Variants in GALNT17 observed in about 807,000 individuals in gnomAD.
GALNT17 encodes UDP-GalNAc:polypeptide N-acetylgalactosaminyltransferase-like 3.
A neutral mutation model predicts 63.7 loss-of-function variants in GALNT17; 29 were observed. The observed-to-expected ratio is 0.46, with a 90% CI of 0.34 to 0.62. The LOEUF (loss-of-function observed/expected upper bound fraction) is 0.62. Ranked by LOEUF, GALNT17 falls within the 20% of genes least tolerant of loss-of-function variation. The pLI, the probability that GALNT17 is intolerant of heterozygous loss-of-function variation, is 0.01. For synonymous variants in GALNT17, 305 were observed against 318.3 expected (o/e 0.96, Z 0.45); for missense variants, 603 against 799.6 (o/e 0.75, Z 2.97).
intron 3 of GALNT17, among the ~76,000 whole-genome samples, chr7:71,391,179 G>C (rs1793042947): frequency 6.6e-6 from 1 of 152,198 alleles, no homozygotes; most frequent in South Asian, 2.1e-4. Context: ...GTGTGAGCTA[G>C]TGGCAAAAAG....
At chr7:71,266,448 C>T (rs1490530700) in intron 1 of GALNT17, among the ~76,000 whole-genome samples, 1 of 152,134 alleles carries the variant, frequency 6.6e-6, no homozygotes, top group Non-Finnish European at 1.5e-5. Flanking sequence ...CCTGCTCTGC[C>T]ATGGTAAGGC....
chr7:71,503,062 T>C (rs927104843), intron 5 of GALNT17, among the ~76,000 whole-genome samples: 2 of 152,172 alleles, frequency 1.3e-5, no homozygotes, highest in African/African-American at 4.8e-5. Context: ...TCTGGACTTT[T>C]TCAGCATTCT....
chr7:71,279,474 C>G (rs1790742380), intron 1 of GALNT17, among the ~76,000 whole-genome samples: 1 of 151,990 alleles, frequency 6.6e-6, no homozygotes, highest in African/African-American at 2.4e-5. Context: ...AAGACCGTAT[C>G]AACCTTCTTC....
chr7:71,436,732 A>T (rs7385393), intron 5 of GALNT17, among the ~76,000 whole-genome samples: 50,935 of 151,196 alleles, frequency 0.34, 11,056 homozygotes, highest in Non-Finnish European at 0.49. Flanking sequence ...AAAAAAATAA[A>T]AAATAAAACA....
chr7:71,701,885 A>ATT (rs1791651892), intron 9 of GALNT17, among the ~76,000 whole-genome samples: 1 of 123,704 alleles, frequency 8.1e-6, no homozygotes. Flanking sequence ...ATATATGTAT[A>ATT]TATATATATA....
At chr7:71,357,936 G>C (rs984324721) in intron 2 of GALNT17, among the ~76,000 whole-genome samples, 1 of 152,052 alleles carries the variant, frequency 6.6e-6, no homozygotes, top group African/African-American at 2.4e-5. Context: ...TCGCAGGGAG[G>C]ATTGAAAAAA....
chr7:71,148,860 T>TATATATATATATATATATATATATATATA (rs1554333242), intron 1 of GALNT17, among the ~76,000 whole-genome samples: 1 of 103,260 alleles, frequency 9.7e-6, no homozygotes, highest in Non-Finnish European at 1.9e-5. Context: ...TATGGTATTT[T>TATATATATATATATATATATATATATATA]TATATATATA....
intron 1 of GALNT17, among the ~76,000 whole-genome samples, chr7:71,245,188 G>GGAA (rs1312693613): frequency 6.6e-6 from 1 of 152,080 alleles, no homozygotes; most frequent in Admixed American, 6.6e-5. Context: ...CTCGCTTGGT[G>GGAA]GAGCCTTTGT....
chr7:71,461,097 G>A (rs1390633890), intron 5 of GALNT17, among the ~76,000 whole-genome samples: 1 of 152,156 alleles, frequency 6.6e-6, no homozygotes. Flanking sequence ...GTAGGGGAAA[G>A]GAGAGACATA....
intron 1 of GALNT17, among the ~76,000 whole-genome samples, chr7:71,223,062 G>A (rs182422322): frequency 6.6e-6 from 1 of 152,152 alleles, no homozygotes; most frequent in African/African-American, 2.4e-5. Flanking sequence ...AACAGGGAGA[G>A]ACCACCTGTC....
At chr7:71,608,650 G>T (rs976497227) in intron 6 of GALNT17, among the ~76,000 whole-genome samples, 1 of 152,128 alleles carries the variant, frequency 6.6e-6, no homozygotes, top group Non-Finnish European at 1.5e-5. Flanking sequence ...CATTTGAGGA[G>T]TAGTCAGGTA....
chr7:71,405,108 A>C (rs2116399881), intron 3 of GALNT17, among the ~76,000 whole-genome samples: 1 of 152,358 alleles, frequency 6.6e-6, no homozygotes, highest in Admixed American at 6.5e-5. Flanking sequence ...TGTAATCAGA[A>C]GTGTGGGTGC....
chr7:71,710,137 G>T (rs1418513479), intron 9 of GALNT17, among the ~76,000 whole-genome samples: 2 of 152,132 alleles, frequency 1.3e-5, no homozygotes, highest in Non-Finnish European at 2.9e-5. Context: ...TAGACATCCA[G>T]CTTCTTCATC....
chr7:71,247,171 A>G (rs555160795), intron 1 of GALNT17, among the ~76,000 whole-genome samples: 1 of 152,328 alleles, frequency 6.6e-6, no homozygotes, highest in South Asian at 2.1e-4. Flanking sequence ...GTGCTCTTTC[A>G]GACTTTTTTA....
chr7:71,483,453 G>C (rs1444821097), intron 5 of GALNT17, among the ~76,000 whole-genome samples: 1 of 151,734 alleles, frequency 6.6e-6, no homozygotes, highest in East Asian at 1.9e-4. Context: ...CTGGGCAACA[G>C]AGTGAGACTC....
intron 6 of GALNT17, among the ~76,000 whole-genome samples, chr7:71,624,402 A>T (rs1790340885): frequency 6.6e-6 from 1 of 152,190 alleles, no homozygotes; most frequent in African/African-American, 2.4e-5. Context: ...CGGTGCGTTC[A>T]TGGGGTTCTA....
At position 71,149,224 on chromosome 7, in the gene GALNT17, A is replaced by G. The variant is rs560550643; in HGVS notation, c.238+16184A>G. ...ATGCACCACCACGCCTGGCTAATAC[A>G]CAGCTATTTCTATTGAACATCAACC... On this transcript the variant is annotated intron_variant, in intron 1 of 10. Transcript: ENST00000333538. 4.6e-5 allele frequency among the ~76,000 whole-genome samples: 7 copies of G among 152,220 alleles called. No homozygotes were observed. The South Asian group carries it at 1.5e-3, about 32-fold the overall frequency.
At chr7:71,267,372 T>G (rs1353025264) in intron 1 of GALNT17, among the ~76,000 whole-genome samples, 5 of 152,108 alleles carry the variant, frequency 3.3e-5, no homozygotes, top group Non-Finnish European at 5.9e-5. Context: ...TTCTAGTTTT[T>G]TTTTTTTTTT....
chr7:71,580,406 TA>T (rs750538641), intron 6 of GALNT17, among the ~76,000 whole-genome samples: 2 of 136,660 alleles, frequency 1.5e-5, no homozygotes, highest in Non-Finnish European at 3.2e-5. Flanking sequence ...GGATGATAGA[TA>T]GATAGATAGA....
Sources: gnomAD v4.1 joint callset for allele counts (sites outside exome capture counted in the v4.1 genomes callset) on GRCh38, gnomAD v4.1.1 for gene constraint, MANE v1.5 for transcripts, NCBI Gene and HGNC (gene_info 2026-07-23, HGNC 2026-07-21) for gene names.